The following EYS variants were observed in gnomAD, a reference collection of about 807,000 sequenced individuals.
EYS encodes protein eyes shut homolog.
In EYS, 250 loss-of-function variants were observed where a neutral mutation model predicts 282.1. The observed-to-expected ratio is 0.89, with a 90% confidence interval of 0.80 to 0.98. The LOEUF is 0.98. Among genes scored for constraint, EYS ranks in the 50% least tolerant of loss-of-function variants. The probability of loss-of-function intolerance (pLI) is 0.00; values close to 1 mark genes in which losing one functional copy is unlikely to be tolerated. For missense variants in EYS, 4,016 were observed against 3,709.0 expected (o/e 1.08, Z -2.15); for synonymous variants, 1,355 against 1,282.9 (o/e 1.06, Z -1.20).
chr6:64,681,423 A>C (rs1407775986), intron 22 of EYS, among the ~76,000 whole-genome samples: 4 of 152,078 alleles, frequency 2.6e-5, no homozygotes, highest in Admixed American at 1.3e-4. Flanking sequence ...CTAAAAGATG[A>C]GGGGGGAAAA....
At chr6:64,232,925 T>G (rs1367651349) in intron 30 of EYS, among the ~76,000 whole-genome samples, 1 of 152,232 alleles carries the variant, frequency 6.6e-6, no homozygotes, top group East Asian at 1.9e-4. Context: ...TTCATCAAGT[T>G]AAATGGCAAT....
chr6:64,065,800 T>C (rs1203629743), intron 33 of EYS, among the ~76,000 whole-genome samples: 3 of 152,178 alleles, frequency 2.0e-5, no homozygotes, highest in East Asian at 1.9e-4. Flanking sequence ...TTGATTCCCA[T>C]AGGATAGTAT....
At chr6:65,605,779 C>T (rs1765766171) in intron 2 of EYS, among the ~76,000 whole-genome samples, 2 of 151,188 alleles carry the variant, frequency 1.3e-5, no homozygotes, top group Admixed American at 1.3e-4. Context: ...AAAAGGCAAG[C>T]TATGAAAAAT....
At chr6:63,910,979 AG>A (rs1400035981) in intron 35 of EYS, among the ~76,000 whole-genome samples, 12 of 152,192 alleles carry the variant, frequency 7.9e-5, no homozygotes, top group Admixed American at 7.9e-4. Flanking sequence ...ATTCATGGCA[AG>A]TTACTTGATT....
chr6:63,985,515 G>A (rs1042008072), intron 34 of EYS, among the ~76,000 whole-genome samples: 1 of 151,548 alleles, frequency 6.6e-6, no homozygotes, highest in African/African-American at 2.4e-5. Context: ...CAAAATGTAC[G>A]GTGCTTGCAA....
At chr6:64,481,215 A>T (rs1184750678) in intron 26 of EYS, among the ~76,000 whole-genome samples, 1 of 148,806 alleles carries the variant, frequency 6.7e-6, no homozygotes, top group Non-Finnish European at 1.5e-5. Flanking sequence ...TATATATATG[A>T]TTACATATAA....
intron 22 of EYS, among the ~76,000 whole-genome samples, chr6:64,678,508 G>A (rs1384678746): frequency 1.3e-5 from 2 of 152,130 alleles, no homozygotes; most frequent in Non-Finnish European, 2.9e-5. Context: ...AACCCAGGAG[G>A]CGGAGGTTGC....
chr6:64,849,107 A>C (rs529825169), intron 19 of EYS, among the ~76,000 whole-genome samples: 1 of 152,168 alleles, frequency 6.6e-6, no homozygotes, highest in Non-Finnish European at 1.5e-5. Flanking sequence ...CAATATATAT[A>C]CAATTTGAAT....
intron 31 of EYS, among the ~76,000 whole-genome samples, chr6:64,182,731 TC>T (rs1395952970): frequency 6.6e-6 from 1 of 152,092 alleles, no homozygotes; most frequent in African/African-American, 2.4e-5. Flanking sequence ...CTTCAGCTCT[TC>T]CACTCTAAGT....
chr6:65,626,815 T>C (rs575357439), intron 2 of EYS, among the ~76,000 whole-genome samples: 196 of 152,046 alleles, frequency 1.3e-3, no homozygotes, highest in Middle Eastern at 0.01. Context: ...ATTGACTATG[T>C]GTGTGCTCGG....
chr6:64,152,069 CAT>C (rs762732949), intron 31 of EYS, among the ~76,000 whole-genome samples: 24 of 152,064 alleles, frequency 1.6e-4, no homozygotes, highest in Non-Finnish European at 2.6e-4. Context: ...GGTTTTTAAA[CAT>C]GTGCTTTATT....
chr6:64,391,567 G>C (rs1456043501), intron 28 of EYS, among the ~76,000 whole-genome samples: 1 of 152,024 alleles, frequency 6.6e-6, no homozygotes, highest in Non-Finnish European at 1.5e-5. Context: ...TTACAGTCAA[G>C]CAAATGCTGA....
chr6:65,419,450 A>C (rs1356517073), intron 5 of EYS, among the ~76,000 whole-genome samples: 1 of 149,530 alleles, frequency 6.7e-6, no homozygotes, highest in Non-Finnish European at 1.5e-5. Context: ...ATAATTTATC[A>C]AAAAAAAATC....
chr6:63,945,421 G>A (rs968070897), intron 35 of EYS, among the ~76,000 whole-genome samples: 1 of 152,090 alleles, frequency 6.6e-6, no homozygotes, highest in Non-Finnish European at 1.5e-5. Context: ...CATTCAAGAT[G>A]AGAATTGGGT....
At position 64,814,927 on chromosome 6, in the gene EYS, C is replaced by G. The variant is rs574597812; in HGVS notation, c.3244-1350G>C. Among the ~76,000 whole-genome samples the G allele has an allele frequency of 5.3e-5, 8 of 152,066 alleles. No individual in the cohort carries two copies. The South Asian group carries it at 1.7e-3, about 32-fold the overall frequency. On this transcript the variant is annotated intron_variant, in intron 21 of 42. Transcript: ENST00000503581. ...GTTCATTAATTGACACCTATGCTTA[C>G]AAATATTTAGTGACTTTTTAAAAAA...
intron 32 of EYS, among the ~76,000 whole-genome samples, chr6:64,076,150 C>T (rs1301514120): frequency 6.6e-6 from 1 of 151,952 alleles, no homozygotes; most frequent in Non-Finnish European, 1.5e-5. Context: ...AAAACATTAT[C>T]TTTGTTTCAA....
At chr6:64,952,856 A>G (rs1451122314) in intron 14 of EYS, among the ~76,000 whole-genome samples, 1 of 151,996 alleles carries the variant, frequency 6.6e-6, no homozygotes, top group East Asian at 1.9e-4. Context: ...CCAAGAGGGC[A>G]GAAACTTTCT....
chr6:64,370,986 C>T (rs1224257127), intron 29 of EYS, among the ~76,000 whole-genome samples: 1 of 151,720 alleles, frequency 6.6e-6, no homozygotes, highest in Non-Finnish European at 1.5e-5. Context: ...TTCATTGATC[C>T]TTTATGGTTT....
At chr6:63,998,273 T>C (rs139380808) in intron 34 of EYS, among the ~76,000 whole-genome samples, 1 of 152,306 alleles carries the variant, frequency 6.6e-6, no homozygotes, top group East Asian at 1.9e-4. Flanking sequence ...AATGAGATAA[T>C]ATTTAAGGCC....
Sources: gnomAD v4.1 joint callset for allele counts (sites outside exome capture counted in the v4.1 genomes callset) on GRCh38, gnomAD v4.1.1 for gene constraint, MANE v1.5 for transcripts, NCBI Gene and HGNC (gene_info 2026-07-23, HGNC 2026-07-21) for gene names.